The following SAP30BP variants were observed in gnomAD, a reference collection of about 807,000 sequenced individuals.
SAP30BP encodes SAP30-binding protein.
SAP30BP carries 31 observed loss-of-function variants against 46.3 expected under a neutral mutation model. The ratio of observed to expected loss-of-function variants is 0.67; its 90% CI spans 0.50 to 0.90. SAP30BP has a LOEUF of 0.90. Among genes scored for constraint, SAP30BP ranks in the 40% least tolerant of loss-of-function variants. The probability of loss-of-function intolerance (pLI) is 0.00; values close to 1 mark genes in which losing one functional copy is unlikely to be tolerated. For synonymous variants in SAP30BP, 169 were observed against 144.2 expected (o/e 1.17, Z -1.23); for missense variants, 312 against 391.0 (o/e 0.80, Z 1.70).
At chr17:75,705,906 T>C in intron 9 of SAP30BP, 102 bp from the exon 10 acceptor site, 1 of 1,516,784 alleles carries the variant, frequency 6.6e-7, no homozygotes, top group Non-Finnish European at 9.0e-7. Context: ...AATGCCTCTT[T>C]TGTGTAGTGC....
intron 5 of SAP30BP, among the ~76,000 whole-genome samples, chr17:75,701,791 TA>T (rs2060415280): frequency 6.6e-6 from 1 of 152,206 alleles, no homozygotes; most frequent in Non-Finnish European, 1.5e-5. Flanking sequence ...AGTCCCTGCG[TA>T]TCAACACCAA....
intron 4 of SAP30BP, among the ~76,000 whole-genome samples, chr17:75,695,489 C>T (rs1431970551): frequency 6.6e-6 from 1 of 152,202 alleles, no homozygotes; most frequent in Admixed American, 6.5e-5. Context: ...TGTAGGGATA[C>T]ACCACAGTTT....
rs1241520072 is a variant in SAP30BP at position 75,668,616 on chromosome 17, T to G, written c.207T>G (p.Ser69Arg). ...DGYEEEEDEN[S>R]RQSEDDDSET... ...ATGAAGAAGAAGAAGATGAGAACAG[T>G]AGACAGTCGGTAGGTAAATCTCCCA... is the stretch of plus-strand genomic sequence containing the variant. The change falls in exon 2 of 11, where the codon AGT becomes AGG. Residue 69 changes from serine (S) to arginine (R), a missense_variant. Physicochemically the swap from Ser to Arg is moderately radical, Grantham distance 110 (BLOSUM62 -1). Coordinates refer to ENST00000584667, the MANE Select transcript of SAP30BP (RefSeq NM_013260.8). 6.3e-7 allele frequency: 1 copy of G among 1,590,148 alleles called. No homozygotes were observed. The highest frequency in any genetic ancestry group is 1.8e-5 in the Admixed American group (1 of 56,154).
chr17:75,691,384 TTTC>T (rs1215506352), intron 3 of SAP30BP: 3 of 454,620 alleles, frequency 6.6e-6, no homozygotes, highest in African/African-American at 6.0e-5. Context: ...CATCATCTCT[TTTC>T]TTCCAGAGAC....
At chr17:75,682,078 ATG>A (rs1275777963) in intron 3 of SAP30BP, among the ~76,000 whole-genome samples, 1 of 151,940 alleles carries the variant, frequency 6.6e-6, no homozygotes, top group East Asian at 1.9e-4. Context: ...AAAATATAAA[ATG>A]TTTTTATATT....
chr17:75,675,997 G>A (rs1052432231), intron 3 of SAP30BP, among the ~76,000 whole-genome samples: 24 of 152,342 alleles, frequency 1.6e-4, no homozygotes, highest in African/African-American at 5.1e-4. Flanking sequence ...TTAATGCAAA[G>A]AGTGGCACTG....
chr17:75,693,258 G>A (rs924684549), intron 3 of SAP30BP, 182 bp from the exon 4 acceptor site: 6 of 582,848 alleles, frequency 1.0e-5, no homozygotes, highest in African/African-American at 1.9e-5. Context: ...GCTGCGATGC[G>A]GGAAGAAGAG....
chr17:75,705,832 G>A (rs2060488110), intron 9 of SAP30BP, 176 bp from the exon 10 acceptor site: 1 of 1,084,014 alleles, frequency 9.2e-7, no homozygotes, highest in South Asian at 1.6e-5. Flanking sequence ...AGAGTGAAAA[G>A]CCCCTTTGGG....
At chr17:75,691,095 C>G (rs1331802594) in intron 3 of SAP30BP, among the ~76,000 whole-genome samples, 1 of 152,168 alleles carries the variant, frequency 6.6e-6, no homozygotes, top group Admixed American at 6.5e-5. Flanking sequence ...CTGGATTCTG[C>G]TGCTGGGAAG....
chr17:75,700,206 T>C, intron 5 of SAP30BP: 1 of 178,958 alleles, frequency 5.6e-6, no homozygotes, highest in East Asian at 1.4e-4. Context: ...GAAAGAGCTT[T>C]GCTAAGAAAC....
chr17:75,675,241 C>T (rs957845637), intron 3 of SAP30BP, among the ~76,000 whole-genome samples: 65 of 152,316 alleles, frequency 4.3e-4, no homozygotes, highest in Admixed American at 1.3e-3. Flanking sequence ...ACCTCTGCCT[C>T]CCGCATTCAA....
At chr17:75,697,837 T>A (rs2060345907) in intron 4 of SAP30BP, among the ~76,000 whole-genome samples, 2 of 152,152 alleles carry the variant, frequency 1.3e-5, no homozygotes. Flanking sequence ...CAGGCAGAGA[T>A]CAAAGCACCT....
At chr17:75,669,754 C>G (rs2059881786) in intron 2 of SAP30BP, among the ~76,000 whole-genome samples, 1 of 152,082 alleles carries the variant, frequency 6.6e-6, no homozygotes, top group South Asian at 2.1e-4. Flanking sequence ...AGTTCTTGAT[C>G]ACAAATCTTG....
At chr17:75,678,545 G>A (rs1353897314) in intron 3 of SAP30BP, among the ~76,000 whole-genome samples, 3 of 151,962 alleles carry the variant, frequency 2.0e-5, no homozygotes, top group Admixed American at 6.6e-5. Context: ...CCAGAGGGCC[G>A]GCTGTACTCG....
At chr17:75,683,393 A>AT (rs1372817933) in intron 3 of SAP30BP, 4 of 151,834 alleles carry the variant, frequency 2.6e-5, no homozygotes, top group Admixed American at 6.6e-5. Context: ...CCAAATGGAG[A>AT]TTTTTTTAAA....
At chr17:75,680,988 C>T (rs929006087) in intron 3 of SAP30BP, among the ~76,000 whole-genome samples, 1 of 152,108 alleles carries the variant, frequency 6.6e-6, no homozygotes, top group African/African-American at 2.4e-5. Flanking sequence ...GAGCCGAGAT[C>T]TGTACCACTG....
At chr17:75,701,283 G>A (rs952027930) in intron 5 of SAP30BP, among the ~76,000 whole-genome samples, 4 of 152,222 alleles carry the variant, frequency 2.6e-5, no homozygotes, top group South Asian at 2.1e-4. Context: ...GGGGGAGGCT[G>A]CAGGTAGATC....
At chr17:75,693,189 GT>G in intron 3 of SAP30BP, 1 of 487,102 alleles carries the variant, frequency 2.1e-6, no homozygotes. Context: ...GCGATGGTGG[GT>G]TTGGTCACTG....
intron 8 of SAP30BP, 60 bp from the exon 9 acceptor site, chr17:75,704,696 C>T: frequency 2.4e-6 from 3 of 1,240,016 alleles, no homozygotes; most frequent in East Asian, 2.3e-5. Context: ...TCAGAGTAGG[C>T]TCCCTCAGCC....
Sources: allele counts gnomAD v4.1 joint callset (sites outside exome capture counted in the v4.1 genomes callset), GRCh38; gene constraint gnomAD v4.1.1; transcripts MANE v1.5; gene names NCBI Gene and HGNC (gene_info 2026-07-23, HGNC 2026-07-21).